Variants in ITK observed in about 807,000 individuals in gnomAD.
ITK encodes tyrosine-protein kinase ITK/TSK.
In ITK, 45 loss-of-function variants were observed where a neutral mutation model predicts 87.6. The observed-to-expected ratio is 0.51, with a 90% CI of 0.40 to 0.66. The LOEUF (loss-of-function observed/expected upper bound fraction) is 0.66. Among genes scored for constraint, ITK ranks in the 30% least tolerant of loss-of-function variants. The pLI is 0.00. For synonymous variants in ITK, 303 were observed against 273.6 expected (o/e 1.11, Z -1.06); for missense variants, 605 against 766.3 (o/e 0.79, Z 2.48).
At chr5:157,191,643 G>A (rs138286850) in intron 1 of ITK, among the ~76,000 whole-genome samples, 107 of 152,200 alleles carry the variant, frequency 7.0e-4, no homozygotes, top group African/African-American at 2.5e-3. Flanking sequence ...TCATATAAAT[G>A]TATTTCCATA....
Position 157,222,617 on chromosome 5 carries a change from A to G in ITK, c.496-246A>G. On this transcript the variant is annotated intron_variant, in intron 5 of 16. Coordinates refer to ENST00000422843, the MANE Select transcript of ITK (RefSeq NM_005546.4). ...ATAACATAGTGCAGATAGAGAAACC[A>G]GCAGACTTTTGTGAAAATCACGTGG... is the stretch of plus-strand genomic sequence containing the variant. 7.4e-6 allele frequency: 4 copies of G among 540,282 alleles called. 1 individual carries two copies. The highest frequency in any genetic ancestry group is 1.3e-5 in the Non-Finnish European group (4 of 298,840). The allele number at this position is 540,282 out of a possible 1,614,324, so 33.5% of individuals were successfully genotyped here.
intron 1 of ITK, among the ~76,000 whole-genome samples, chr5:157,181,860 C>T (rs1208486900): frequency 6.6e-6 from 1 of 152,190 alleles, no homozygotes; most frequent in African/African-American, 2.4e-5. Context: ...TTCTTAACAT[C>T]ACTAATAACA....
At chr5:157,228,643 A>AT (rs397766372) in intron 7 of ITK, among the ~76,000 whole-genome samples, 2,565 of 148,908 alleles carry the variant, frequency 0.017, 26 homozygotes, top group Non-Finnish European at 0.028. Context: ...TTCTTCTTTA[A>AT]TTTTTTTTTT....
intron 8 of ITK, among the ~76,000 whole-genome samples, chr5:157,234,187 G>T (rs957256421): frequency 1.3e-5 from 2 of 151,242 alleles, no homozygotes; most frequent in Non-Finnish European, 2.9e-5. Context: ...CGCCCTGTTG[G>T]CCAGACTGGT....
chr5:157,199,609 A>C (rs1444779097), intron 1 of ITK: 1 of 152,210 alleles, frequency 6.6e-6, no homozygotes, highest in Non-Finnish European at 1.5e-5. Context: ...TAAGCCAGGA[A>C]GCATAGTAGT....
In ITK at chr5:157,208,886, C is replaced by A. The variant is rs746991589; in HGVS notation, c.139-3C>A. The A allele has an allele frequency of 1.9e-6, 3 of 1,601,570 alleles. No homozygotes were observed. On this transcript the variant is annotated splice_region_variant and splice_polypyrimidine_tract_variant and intron_variant, in intron 1 of 16. Coordinates refer to ENST00000422843, the MANE Select transcript of ITK (RefSeq NM_005546.4). ...TGAATGGGATGTTCTTCTCTCCCCA[C>A]AGAAGAAGCGCACGCTGAAGGGGTC... is the stretch of plus-strand genomic sequence containing the variant.
chr5:157,213,634 G>A (rs776192886), intron 3 of ITK: 27 of 442,480 alleles, frequency 6.1e-5, no homozygotes, highest in Non-Finnish European at 1.0e-4. Flanking sequence ...CTCTTGCCTC[G>A]GCCTACGAAA....
chr5:157,254,403 A>T lies in ITK; in HGVS notation c.*1725A>T. Reference sequence around the variant, plus strand: ...ACGAGCTTCAAAGCAACTTTAAAAGATTCTTCTGTAGAAGTATGAGTTCTT... The same window carrying T: ...ACGAGCTTCAAAGCAACTTTAAAAGTTTCTTCTGTAGAAGTATGAGTTCTT... On this transcript the variant is annotated 3_prime_UTR_variant, in exon 17 of 17. Coordinates refer to ENST00000422843, the MANE Select transcript of ITK (RefSeq NM_005546.4). 1 of 222,832 alleles carries T rather than the reference A, an allele frequency of 4.5e-6. No homozygotes were observed. 13.8% of individuals were successfully genotyped at this position (222,832 alleles called of 1,614,324 possible). A position where few individuals can be genotyped will look rare whatever the true frequency, so the allele number is the denominator to read the frequency against.
intron 1 of ITK, among the ~76,000 whole-genome samples, chr5:157,198,484 C>T (rs1188026578): frequency 2.0e-5 from 3 of 152,080 alleles, no homozygotes; most frequent in South Asian, 2.1e-4. Context: ...AGCCAGCCAA[C>T]GGTGGGCCAG....
chr5:157,228,663 G>T (rs1213049762), intron 7 of ITK, among the ~76,000 whole-genome samples: 1 of 151,920 alleles, frequency 6.6e-6, no homozygotes, highest in Non-Finnish European at 1.5e-5. Flanking sequence ...TTGAGACAGG[G>T]TCTCACTGTC....
At chr5:157,214,467 C>T in intron 4 of ITK, 148 bp downstream of exon 4, 2 of 720,564 alleles carry the variant, frequency 2.8e-6, no homozygotes, top group South Asian at 1.6e-5. Context: ...GTCTTTCCTA[C>T]CAGCCTGTTG....
chr5:157,181,045 C>T lies in ITK; in HGVS notation c.68C>T (p.Pro23Leu). ...KKSQQKRRTS[P>L]SNFKVRFFVL... Reference sequence around the variant, plus strand: ...TCCCAACAAAAGAGAAGAACTTCTCCCTCGAACTTTAAAGTCCGCTTCTTT... The same window carrying T: ...TCCCAACAAAAGAGAAGAACTTCTCTCTCGAACTTTAAAGTCCGCTTCTTT... The change falls in exon 1 of 17, where the codon CCC becomes CTC. Residue 23 changes from proline to leucine, a missense_variant. Physicochemically the swap from Pro to Leu is moderately conservative, Grantham distance 98. Coordinates refer to ENST00000422843, the MANE Select transcript of ITK (RefSeq NM_005546.4). 2 of 1,613,926 alleles carry T rather than the reference C, an allele frequency of 1.2e-6. No homozygotes were observed. Among genetic ancestry groups the T allele is most frequent in the East Asian group, 2.2e-5 (1 of 44,880 alleles).
intron 4 of ITK, 36 bp downstream of exon 4, chr5:157,214,355 A>G: frequency 1.9e-6 from 3 of 1,588,554 alleles, no homozygotes; most frequent in Non-Finnish European, 2.6e-6. Context: ...TTTTTGTGAA[A>G]TGACCATAAA....
At chr5:157,195,797 G>T (rs1033110171) in intron 1 of ITK, 9 of 152,172 alleles carry the variant, frequency 5.9e-5, no homozygotes, top group Non-Finnish European at 1.2e-4. Context: ...GATACACAAA[G>T]ATATTCTTCA....
chr5:157,190,164 A>C (rs1462039032), intron 1 of ITK, among the ~76,000 whole-genome samples: 3 of 152,168 alleles, frequency 2.0e-5, no homozygotes, highest in Non-Finnish European at 4.4e-5. Flanking sequence ...ATTCCTATTA[A>C]CCTAAAGTTA....
chr5:157,188,822 C>T (rs1245575736), intron 1 of ITK, among the ~76,000 whole-genome samples: 1 of 152,118 alleles, frequency 6.6e-6, no homozygotes, highest in Non-Finnish European at 1.5e-5. Context: ...ACATAGATAC[C>T]TTAGTATCTG....
intron 1 of ITK, among the ~76,000 whole-genome samples, chr5:157,185,443 A>C (rs890929021): frequency 6.6e-5 from 10 of 151,924 alleles, no homozygotes; most frequent in African/African-American, 2.4e-4. Context: ...GGGTTTCACC[A>C]TATTGGCCAG....
intron 1 of ITK, among the ~76,000 whole-genome samples, chr5:157,196,830 C>T (rs1405985462): frequency 4.6e-5 from 7 of 152,168 alleles, no homozygotes; most frequent in African/African-American, 1.4e-4. Flanking sequence ...ACAAAAAATA[C>T]GTTCTTTCAA....
chr5:157,198,420 C>G (rs533951079), intron 1 of ITK, among the ~76,000 whole-genome samples: 4 of 152,116 alleles, frequency 2.6e-5, no homozygotes, highest in Non-Finnish European at 5.9e-5. Flanking sequence ...TTGTTTTCCT[C>G]ATAGCACATC....
Sources: gnomAD v4.1 joint callset for allele counts (sites outside exome capture counted in the v4.1 genomes callset) on GRCh38, gnomAD v4.1.1 for gene constraint, MANE v1.5 for transcripts, NCBI Gene and HGNC (gene_info 2026-07-23, HGNC 2026-07-21) for gene names.